The following RGS18 variants were observed in gnomAD, a reference collection of about 807,000 sequenced individuals.
The protein encoded by RGS18 is regulator of G protein signaling 18.
RGS18 carries 22 observed loss-of-function variants against 27.6 expected under a neutral mutation model. The observed-to-expected ratio is 0.80, with a 90% CI of 0.57 to 1.14. The LOEUF is 1.14. Ranked by LOEUF, RGS18 falls within the 50% of genes most tolerant of loss-of-function variation. RGS18 has a pLI of 0.00. For synonymous variants in RGS18, 89 were observed against 84.6 expected (o/e 1.05, Z -0.29); for missense variants, 299 against 269.6 (o/e 1.11, Z -0.76).
In RGS18 at chr1:192,185,394, T is replaced by C. The variant is rs1571396888; in HGVS notation, c.*840T>C. Reference sequence around the variant, plus strand: ...TGGCTTGAATAAAAACCAGAGAAGGTTTTTCCCAGGACGTCTCATGTTTGG... The same window carrying C: ...TGGCTTGAATAAAAACCAGAGAAGGCTTTTCCCAGGACGTCTCATGTTTGG... On this transcript the variant is annotated 3_prime_UTR_variant, in exon 5 of 5. Transcript: ENST00000367460. 6.6e-6 allele frequency: 1 copy of C among 151,428 alleles called. No individual in the cohort carries two copies. The highest frequency in any genetic ancestry group is 2.1e-4 in the South Asian group (1 of 4,818). The allele number at this position is 151,428 out of a possible 1,614,324, so 9.4% of individuals were successfully genotyped here.
chr1:192,158,884 A>G, intron 1 of RGS18, 128 bp downstream of exon 1: 2 of 698,836 alleles, frequency 2.9e-6, no homozygotes, highest in Non-Finnish European at 4.8e-6. Context: ...AATTTGGGAA[A>G]AAAAAACACC....
intron 4 of RGS18, among the ~76,000 whole-genome samples, chr1:192,183,388 A>T (rs1656488818): frequency 6.6e-6 from 1 of 151,678 alleles, no homozygotes; most frequent in East Asian, 1.9e-4. Context: ...CCCCACATTA[A>T]AATCTCAAAT....
intron 3 of RGS18, among the ~76,000 whole-genome samples, chr1:192,166,709 A>G (rs1257722218): frequency 6.6e-6 from 1 of 152,184 alleles, no homozygotes; most frequent in Non-Finnish European, 1.5e-5. Context: ...TTTTTATTAT[A>G]ATAGGAAGAT....
At chr1:192,184,095 C>A (rs1656501319) in intron 4 of RGS18, among the ~76,000 whole-genome samples, 1 of 151,582 alleles carries the variant, frequency 6.6e-6, no homozygotes, top group African/African-American at 2.4e-5. Flanking sequence ...CCCCCATGAT[C>A]CAATAACTGC....
At chr1:192,168,295 T>G (rs1656195569) in intron 3 of RGS18, 1 of 152,204 alleles carries the variant, frequency 6.6e-6, no homozygotes, top group African/African-American at 2.4e-5. Context: ...AAATTTTAAT[T>G]AATAAACTTC....
intron 3 of RGS18, among the ~76,000 whole-genome samples, chr1:192,169,973 T>C (rs1656228144): frequency 6.6e-6 from 1 of 152,146 alleles, no homozygotes; most frequent in Non-Finnish European, 1.5e-5. Context: ...TAAGTAAGTA[T>C]AGGTGGTAAA....
rs771673043 is a variant in RGS18 at position 192,158,684 on chromosome 1, CA to C, written c.51del (p.Glu18LysfsTer7). On this transcript the variant is annotated frameshift_variant, in exon 1 of 5. Transcript: ENST00000367460. LOFTEE classifies it high-confidence loss of function. Reference sequence around the variant, plus strand: ...TTTTCTCAAATAAATATGTGTGAATCAAAAGAAAAAACTTTTTTCAAGTTAA... The same window carrying C: ...TTTTCTCAAATAAATATGTGTGAATCAAAGAAAAAACTTTTTTCAAGTTAA... ...LFFSQINMCE[S>X]KEKTFFKLIH... is the part of the protein sequence containing the mutation. 4.7e-4 allele frequency: 739 copies of C among 1,579,022 alleles called. 8 individuals are homozygous for C. Among genetic ancestry groups the C allele is most frequent in the Non-Finnish European group, 8.6e-5 (100 of 1,168,494 alleles).
chr1:192,162,080 T>G (rs1056292348), intron 3 of RGS18, among the ~76,000 whole-genome samples: 2 of 152,188 alleles, frequency 1.3e-5, no homozygotes, highest in Non-Finnish European at 2.9e-5. Flanking sequence ...TCAATGAGAA[T>G]GGAGAGTTAT....
intron 3 of RGS18, among the ~76,000 whole-genome samples, chr1:192,174,018 T>C (rs1303260078): frequency 3.3e-5 from 5 of 150,834 alleles, no homozygotes; most frequent in African/African-American, 1.2e-4. Context: ...TTTTTCTTTC[T>C]TTTTTTTTAC....
intron 3 of RGS18, among the ~76,000 whole-genome samples, chr1:192,165,190 A>G (rs563134766): frequency 6.6e-6 from 1 of 152,118 alleles, no homozygotes; most frequent in Non-Finnish European, 1.5e-5. Context: ...GTAGGTAGGG[A>G]TGAAACATGC....
rs1311963071 is a variant in RGS18, at chr1:192,185,660, T to A, written c.*1106T>A. The A allele has an allele frequency of 6.6e-6, 1 of 151,684 alleles. No individual in the cohort carries two copies. The highest frequency in any genetic ancestry group is 1.5e-5 in the Non-Finnish European group (1 of 67,730). 9.4% of individuals were successfully genotyped at this position (151,684 alleles called of 1,614,324 possible). On this transcript the variant is annotated 3_prime_UTR_variant, in exon 5 of 5. Transcript: ENST00000367460. ...TTTTTAATGTGTGTTACATGGTCTG[T>A]AAATATTTGTATTTAAAAATGCCAT...
At chr1:192,182,117 T>C (rs1385154276) in intron 4 of RGS18, among the ~76,000 whole-genome samples, 1 of 151,662 alleles carries the variant, frequency 6.6e-6, no homozygotes, top group Non-Finnish European at 1.5e-5. Flanking sequence ...GATGAGTCCA[T>C]CTCTTGGATA....
At chr1:192,171,424 C>T (rs1336701389) in intron 3 of RGS18, among the ~76,000 whole-genome samples, 5 of 152,068 alleles carry the variant, frequency 3.3e-5, no homozygotes, top group Non-Finnish European at 7.4e-5. Context: ...AGTTGCTTGT[C>T]AGTTTTACAA....
chr1:192,174,121 A>G (rs1211468355), intron 3 of RGS18, among the ~76,000 whole-genome samples: 1 of 151,608 alleles, frequency 6.6e-6, no homozygotes. Flanking sequence ...ACTATAATTC[A>G]AGTATAAATA....
rs933440569 is a variant in RGS18, at chr1:192,184,683, A to G, written c.*129A>G. The G allele has an allele frequency of 1.1e-6, 1 of 929,404 alleles. No individual in the cohort carries two copies. Among genetic ancestry groups the G allele is most frequent in the Non-Finnish European group, 1.6e-6 (1 of 629,686 alleles). The allele number at this position is 929,404 out of a possible 1,614,324, so 57.6% of individuals were successfully genotyped here. On this transcript the variant is annotated 3_prime_UTR_variant, in exon 5 of 5. Coordinates refer to ENST00000367460, the MANE Select transcript of RGS18 (RefSeq NM_130782.3). The stretch of plus-strand genomic sequence containing the variant: ...TCATGTGAAATTATTTTAAAAATGT[A>G]AAAACAAAACTTTCTGCTAACAAAA...
At chr1:192,183,671 C>A (rs912117998) in intron 4 of RGS18, among the ~76,000 whole-genome samples, 1 of 151,476 alleles carries the variant, frequency 6.6e-6, no homozygotes, top group African/African-American at 2.4e-5. Context: ...TCACAATAAC[C>A]AAAATGTGGA....
intron 3 of RGS18, chr1:192,161,421 G>C (rs1261539510): frequency 6.6e-6 from 1 of 152,092 alleles, no homozygotes; most frequent in African/African-American, 2.4e-5. Flanking sequence ...AGTGAACTTT[G>C]TTGTCTGTAT....
At chr1:192,180,187 G>A (rs1229230236) in intron 3 of RGS18, among the ~76,000 whole-genome samples, 2 of 151,462 alleles carry the variant, frequency 1.3e-5, no homozygotes, top group Non-Finnish European at 3.0e-5. Context: ...ATCTTAGTGA[G>A]CCTTAAATAA....
At chr1:192,159,725 A>G (rs1024512130) in intron 2 of RGS18, among the ~76,000 whole-genome samples, 4 of 152,168 alleles carry the variant, frequency 2.6e-5, no homozygotes, top group Non-Finnish European at 2.9e-5. Flanking sequence ...AATGTCTTTT[A>G]ATACTTAGCA....
Sources: allele counts gnomAD v4.1 joint callset (sites outside exome capture counted in the v4.1 genomes callset), GRCh38; gene constraint gnomAD v4.1.1; transcripts MANE v1.5; gene names NCBI Gene and HGNC (gene_info 2026-07-23, HGNC 2026-07-21).